MSI2: variants seen among roughly 807,000 people sequenced by gnomAD.
MSI2 encodes RNA-binding protein Musashi homolog 2.
In MSI2, 17 loss-of-function variants were observed where a neutral mutation model predicts 45.6. The ratio of observed to expected loss-of-function variants is 0.37; its 90% CI spans 0.26 to 0.56. The LOEUF is 0.56. Ranked by LOEUF, MSI2 falls within the 20% of genes least tolerant of loss-of-function variation. The probability of loss-of-function intolerance (pLI) is 0.77; values close to 1 mark genes in which losing one functional copy is unlikely to be tolerated. For missense variants in MSI2, 293 were observed against 444.2 expected (o/e 0.66, Z 3.06); for synonymous variants, 156 against 158.2 (o/e 0.99, Z 0.11).
At chr17:57,490,985 C>T (rs904193910) in intron 6 of MSI2, among the ~76,000 whole-genome samples, 2 of 152,176 alleles carry the variant, frequency 1.3e-5, no homozygotes, top group Non-Finnish European at 2.9e-5. Context: ...GGCACGCTGG[C>T]GGTTTCTGCC....
chr17:57,315,366 G>A (rs1365554424), intron 5 of MSI2, among the ~76,000 whole-genome samples: 5 of 151,828 alleles, frequency 3.3e-5, no homozygotes, highest in African/African-American at 1.2e-4. Flanking sequence ...TCGACTCAAG[G>A]ACCACAGACG....
the MSI2 span, among the ~76,000 whole-genome samples, chr17:57,695,942 G>A: frequency 6.6e-6 from 1 of 152,118 alleles, no homozygotes; most frequent in Non-Finnish European, 1.5e-5. Flanking sequence ...GCTCTCTGGT[G>A]TCCCTTCTTA....
At chr17:57,614,750 C>G (rs1000033199) in intron 8 of MSI2, among the ~76,000 whole-genome samples, 2 of 152,160 alleles carry the variant, frequency 1.3e-5, no homozygotes, top group African/African-American at 4.8e-5. Flanking sequence ...TAAGCACAGG[C>G]CTAAGGCGCT....
At chr17:57,644,852 C>T (rs1910531751) in intron 10 of MSI2, among the ~76,000 whole-genome samples, 1 of 152,094 alleles carries the variant, frequency 6.6e-6, no homozygotes, top group Non-Finnish European at 1.5e-5. Flanking sequence ...GAAGGAGCCT[C>T]AGAATTCTCT....
chr17:57,625,814 A>G (rs543370135), intron 9 of MSI2: 15 of 152,600 alleles, frequency 9.8e-5, no homozygotes, highest in African/African-American at 3.6e-4. Flanking sequence ...CAGGACTCAG[A>G]AAACAGGCAG....
In MSI2 at chr17:57,409,423, A is replaced by T. The variant is rs532795187; in HGVS notation, c.405+7952A>T. Among the ~76,000 whole-genome samples the T allele has an allele frequency of 1.6e-4, 25 of 152,352 alleles. 1 individual carries two copies. The highest frequency in any genetic ancestry group is 6.0e-4 in the African/African-American group (25 of 41,580). ...GGAGGGAAAGCCGGCATTAATAAGG[A>T]CCAGGAAAACTTTGCATAAAATAAA... On this transcript the variant is annotated intron_variant, in intron 6 of 13. Coordinates refer to ENST00000284073, the MANE Select transcript of MSI2 (RefSeq NM_138962.4).
rs1190922747 is a variant in MSI2 at position 57,438,990 on chromosome 17, TG to T, written c.405+37521del. On this transcript the variant is annotated intron_variant, in intron 6 of 13. Transcript: ENST00000284073. ...ATTTGTTTTGCATTTTTAGTAGAAA[TG>T]GAGTTTCACCATGTTGGCCAGGCTG... is the stretch of plus-strand genomic sequence containing the variant. Among the ~76,000 whole-genome samples the T allele has an allele frequency of 2.6e-5, 4 of 152,170 alleles. No homozygotes were observed. In the East Asian group the frequency reaches 7.7e-4, roughly 29 times the overall value.
In MSI2 at chr17:57,596,185, G is replaced by C. The variant is rs1164546119; in HGVS notation, c.455-683G>C. Among the ~76,000 whole-genome samples the C allele has an allele frequency of 6.6e-6, 1 of 152,216 alleles. No homozygotes were observed. Among genetic ancestry groups the C allele is most frequent in the Non-Finnish European group, 1.5e-5 (1 of 68,036 alleles). On this transcript the variant is annotated intron_variant, in intron 7 of 13. Coordinates refer to ENST00000284073, the MANE Select transcript of MSI2 (RefSeq NM_138962.4). This position sits in a 1 kb window ranked among gnomAD's most constrained non-coding sequence, Gnocchi z 4.6. ...GAACTGAGGATACTGAGCAGCAGTC[G>C]CCTGCCAAAATTCTTCAGTGCAGCT...
chr17:57,283,999 A>C (rs1464663475), intron 5 of MSI2, among the ~76,000 whole-genome samples: 1 of 152,358 alleles, frequency 6.6e-6, no homozygotes, highest in East Asian at 1.9e-4. Flanking sequence ...TAGTGCCAAC[A>C]CAAATAGTCA....
chr17:57,652,012 G>A lies in MSI2; in HGVS notation c.728-87G>A, dbSNP rs893077536. ...CCACTCCTGTCTTTGTGTGGAGGGCGGGGGGTTGTGTGGCCCGTGACCTAG... is the reference window on the plus strand; with the variant it reads ...CCACTCCTGTCTTTGTGTGGAGGGCAGGGGGTTGTGTGGCCCGTGACCTAG... On this transcript the variant is annotated intron_variant, in intron 10 of 13. Coordinates refer to ENST00000284073, the MANE Select transcript of MSI2 (RefSeq NM_138962.4). This position sits in a 1 kb window ranked among gnomAD's most constrained non-coding sequence, Gnocchi z 4.1. 2.5e-5 allele frequency: 30 copies of A among 1,205,186 alleles called. No homozygotes were observed. Among genetic ancestry groups the A allele is most frequent in the East Asian group, 4.7e-5 (2 of 42,580 alleles). 74.7% of individuals were successfully genotyped at this position (1,205,186 alleles called of 1,614,324 possible).
chr17:57,387,950 GA>G (rs1288954050), intron 5 of MSI2, among the ~76,000 whole-genome samples: 4 of 152,222 alleles, frequency 2.6e-5, no homozygotes, highest in Non-Finnish European at 4.4e-5. Context: ...AACAAGTTTA[GA>G]GAAGCTCAGT....
chr17:57,534,988 T>G (rs2086892612), intron 7 of MSI2, among the ~76,000 whole-genome samples: 2 of 152,212 alleles, frequency 1.3e-5, no homozygotes. Flanking sequence ...CATTAAGTAT[T>G]GATCCCAAGT....
At chr17:57,546,254 G>C (rs2087164555) in intron 7 of MSI2, among the ~76,000 whole-genome samples, 1 of 152,178 alleles carries the variant, frequency 6.6e-6, no homozygotes, top group South Asian at 2.1e-4. Context: ...TCTGTCACCA[G>C]TCACTTTTCA....
rs966542184 is a variant in MSI2, at chr17:57,415,659, C to G, written c.405+14188C>G. Among the ~76,000 whole-genome samples the G allele has an allele frequency of 3.3e-5, 5 of 152,044 alleles. No homozygotes were observed. The East Asian group carries it at 7.7e-4, about 23-fold the overall frequency. On this transcript the variant is annotated intron_variant, in intron 6 of 13. Coordinates refer to ENST00000284073, the MANE Select transcript of MSI2 (RefSeq NM_138962.4). ...ATTCCCTTTCTGCTCCCCATTCCCCCCAACATCCCGTGTTTCTGAACCCCC... is the reference window on the plus strand; with the variant it reads ...ATTCCCTTTCTGCTCCCCATTCCCCGCAACATCCCGTGTTTCTGAACCCCC...
intron 7 of MSI2, among the ~76,000 whole-genome samples, chr17:57,550,025 C>G (rs1319993090): frequency 6.6e-6 from 1 of 152,206 alleles, no homozygotes; most frequent in Admixed American, 6.5e-5. Context: ...GTGGTCACTC[C>G]TGAGCTGGGG....
At chr17:57,283,541 T>C (rs2143396609) in intron 5 of MSI2, among the ~76,000 whole-genome samples, 1 of 152,144 alleles carries the variant, frequency 6.6e-6, no homozygotes, top group South Asian at 2.1e-4. Flanking sequence ...TGTGTTTAGA[T>C]ATAAAGGAAA....
chr17:57,260,266 GTGTAAACTTTGCACAC>G (rs1176530744), intron 4 of MSI2, among the ~76,000 whole-genome samples: 1 of 152,192 alleles, frequency 6.6e-6, no homozygotes, highest in Non-Finnish European at 1.5e-5. Flanking sequence ...AGATCTCAGC[GTGTAAACTTTGCACAC>G]TGAGGAACTT....
intron 5 of MSI2, among the ~76,000 whole-genome samples, chr17:57,290,542 G>GC (rs1254047403): frequency 6.6e-6 from 1 of 152,212 alleles, no homozygotes; most frequent in African/African-American, 2.4e-5. Context: ...CTAACTCCTA[G>GC]CCCCGAGTGA....
chr17:57,627,166 A>C lies in MSI2; in HGVS notation c.653-63A>C. The C allele has an allele frequency of 2.1e-6, 3 of 1,454,246 alleles. No individual in the cohort carries two copies. Among genetic ancestry groups the C allele is most frequent in the Non-Finnish European group, 2.9e-6 (3 of 1,034,672 alleles). The allele number at this position is 1,454,246 out of a possible 1,614,324, so 90.1% of individuals were successfully genotyped here. ...TTTCCTCATTGCCACCCTCCGTGAG[A>C]TTTTACCCCAGACCTGAGGCGGCTG... On this transcript the variant is annotated intron_variant, in intron 9 of 13. Coordinates refer to ENST00000284073, the MANE Select transcript of MSI2 (RefSeq NM_138962.4). This position sits in a 1 kb window ranked among gnomAD's most constrained non-coding sequence, Gnocchi z 4.6.
Sources: gnomAD v4.1 joint callset for allele counts (sites outside exome capture counted in the v4.1 genomes callset) on GRCh38, gnomAD v4.1.1 for gene constraint, Gnocchi (gnomAD v3.1) non-coding constraint, MANE v1.5 for transcripts, NCBI Gene and HGNC (gene_info 2026-07-23, HGNC 2026-07-21) for gene names.